The following ATG4B variants were observed in gnomAD, a reference collection of about 807,000 sequenced individuals.
ATG4B encodes the protein cysteine protease ATG4B.
Under a neutral mutation model 56.6 loss-of-function variants are expected in ATG4B, and 29 were observed. The observed-to-expected ratio is 0.51, with a 90% confidence interval of 0.38 to 0.70. ATG4B has a LOEUF of 0.70. ATG4B is among the 30% of genes least tolerant of loss of function. The pLI, the probability that ATG4B is intolerant of heterozygous loss-of-function variation, is 0.00. For missense variants in ATG4B, 461 were observed against 515.5 expected (o/e 0.89, Z 1.02); for synonymous variants, 224 against 206.1 (o/e 1.09, Z -0.74).
At chr2:241,639,327 A>T (rs1022662002) in intron 1 of ATG4B, among the ~76,000 whole-genome samples, 2 of 152,208 alleles carry the variant, frequency 1.3e-5, no homozygotes, top group African/African-American at 2.4e-5. Context: ...CCTGAAGCCC[A>T]AGAGGGGGTG....
At chr2:241,643,680 G>GTGTGTGTA (rs757565788) in intron 1 of ATG4B, among the ~76,000 whole-genome samples, 1 of 128,974 alleles carries the variant, frequency 7.8e-6, no homozygotes, top group African/African-American at 3.3e-5. Context: ...GTGTGTGTGT[G>GTGTGTGTA]TATGTATATA....
intron 3 of ATG4B, chr2:241,652,062 G>A: frequency 3.0e-6 from 3 of 1,005,000 alleles, no homozygotes; most frequent in South Asian, 1.4e-5. Flanking sequence ...TTATCCTGAA[G>A]TGAGGTGGAA....
rs2069007460 is a variant in ATG4B at position 241,672,348 on chromosome 2, C to T, written c.*84C>T. On this transcript the variant is annotated 3_prime_UTR_variant, in exon 13 of 13. Coordinates refer to ENST00000404914, the MANE Select transcript of ATG4B (RefSeq NM_013325.5). ...TTCATCCATCCCGCCCGCTCGCCTGCCGAGGGCTGCGCCCCGTGCTGCCTC... is the reference window on the plus strand; with the variant it reads ...TTCATCCATCCCGCCCGCTCGCCTGTCGAGGGCTGCGCCCCGTGCTGCCTC... 4.7e-6 allele frequency: 6 copies of T among 1,282,464 alleles called. No individual in the cohort carries two copies. The South Asian group carries it at 7.8e-5, about 17-fold the overall frequency. 79.4% of individuals were successfully genotyped at this position (1,282,464 alleles called of 1,614,324 possible). A position where few individuals can be genotyped will look rare whatever the true frequency, so the allele number is the denominator to read the frequency against.
At chr2:241,669,622 C>T (rs36091288) in intron 10 of ATG4B, among the ~76,000 whole-genome samples, 57,799 of 152,118 alleles carry the variant, frequency 0.38, 11,327 homozygotes, top group Middle Eastern at 0.51. Context: ...ATTCTCCTGC[C>T]TCAGCCTCTG....
rs1215376668 is a variant in ATG4B at position 241,651,975 on chromosome 2, G to A, written c.184+640G>A. On this transcript the variant is annotated intron_variant, in intron 3 of 12. Transcript: ENST00000404914. The surrounding 1 kb of genome is among the most constrained non-coding windows in gnomAD (Gnocchi z 4.1). The stretch of plus-strand genomic sequence containing the variant: ...CACCGGCGGAGAACTGAGGCCGGAG[G>A]TGAGGGCCGGGCTGGCGTCATGCTT... 7.7e-7 allele frequency: 1 copy of A among 1,303,866 alleles called. No individual in the cohort carries two copies. The highest frequency in any genetic ancestry group is 1.5e-5 in the African/African-American group (1 of 65,868). 80.8% of individuals were successfully genotyped at this position (1,303,866 alleles called of 1,614,324 possible). A position where few individuals can be genotyped will look rare whatever the true frequency, so the allele number is the denominator to read the frequency against.
intron 1 of ATG4B, among the ~76,000 whole-genome samples, chr2:241,647,183 T>G (rs1000507855): frequency 1.3e-5 from 2 of 152,224 alleles, no homozygotes; most frequent in Non-Finnish European, 2.9e-5. Context: ...AAGAGATACT[T>G]GCCAGTGTTC....
chr2:241,654,680 C>G, intron 5 of ATG4B, 33 bp downstream of exon 5: 1 of 1,544,604 alleles, frequency 6.5e-7, no homozygotes, highest in Non-Finnish European at 8.8e-7. Context: ...AGGCCCCACC[C>G]GGGCTGTCTG....
Position 241,641,458 on chromosome 2 carries a change from G to A in ATG4B, c.10+3734G>A, listed in dbSNP as rs188449453. Among the ~76,000 whole-genome samples the A allele has an allele frequency of 9.8e-3, 1,489 of 152,010 alleles. 19 individuals are homozygous for A. The highest frequency in any genetic ancestry group is 0.034 in the African/African-American group (1,389 of 41,428). On this transcript the variant is annotated intron_variant, in intron 1 of 12. Transcript: ENST00000404914. ...CCAGCTACGCAGGAGGCTGAGGCAG[G>A]AGAATGGCGTGAACCCGGGAGGCGG...
intron 7 of ATG4B, among the ~76,000 whole-genome samples, chr2:241,661,943 A>C (rs908500587): frequency 1.3e-5 from 2 of 152,224 alleles, no homozygotes; most frequent in African/African-American, 4.8e-5. Context: ...AAATGACTCC[A>C]ATGAAAGAAA....
rs1472165546 is a variant in ATG4B, at chr2:241,668,668, G to A, written c.940G>A (p.Asp314Asn). 6.3e-7 allele frequency: 1 copy of A among 1,575,970 alleles called. No individual in the cohort carries two copies. Residue 314 changes from aspartate (D) to asparagine (N), a missense_variant, in exon 10 of 13, where the codon GAC (aspartate) becomes AAC (asparagine). By Grantham distance (23) the Asp-to-Asn change is conservative (BLOSUM62 1). Transcript: ENST00000404914. The surrounding 1 kb of genome is among the most constrained non-coding windows in gnomAD (Gnocchi z 4.2). The part of the protein sequence containing the change: ...PPCRMSIAEL[D>N]PSIAVGFFCK... The stretch of plus-strand genomic sequence containing the variant: ...GTGCCGCATGAGCATCGCGGAGCTT[G>A]ACCCGTCCATCGCTGTGGTACGTGG...
In ATG4B at chr2:241,668,171, G is replaced by T; in HGVS notation, c.761G>T (p.Gly254Val). 1 of 1,606,398 alleles carries T rather than the reference G, an allele frequency of 6.2e-7. No homozygotes were observed. The highest frequency in any genetic ancestry group is 8.5e-7 in the Non-Finnish European group (1 of 1,176,902). Residue 254 changes from glycine (G) to valine (V), a missense_variant, in exon 9 of 13, where the codon GGC becomes GTC. Physicochemically the swap from Gly to Val is moderately radical, Grantham distance 109 (BLOSUM62 -3). Coordinates refer to ENST00000404914, the MANE Select transcript of ATG4B (RefSeq NM_013325.5). This position sits in a 1 kb window ranked among gnomAD's most constrained non-coding sequence, Gnocchi z 4.2. ...TGCTTCATGATGCCCCAGTCCCTGG[G>T]CGTCATCGGAGGGAAGCCCAACAGC... The part of the protein sequence containing the change: ...KHCFMMPQSL[G>V]VIGGKPNSAH...
intron 7 of ATG4B, among the ~76,000 whole-genome samples, chr2:241,661,476 G>T (rs1468722654): frequency 6.6e-6 from 1 of 152,174 alleles, no homozygotes; most frequent in East Asian, 1.9e-4. Context: ...GCTGCTAAGA[G>T]TGCGCAAGGG....
chr2:241,654,456 G>T, intron 4 of ATG4B, 90 bp from the exon 5 acceptor site: 5 of 720,384 alleles, frequency 6.9e-6, no homozygotes, highest in Non-Finnish European at 9.3e-6. Context: ...TCTGAAAAAG[G>T]TTTGGATGCC....
Position 241,666,846 on chromosome 2 carries a change from C to A in ATG4B, c.732+8C>A. On this transcript the variant is annotated splice_region_variant and intron_variant, in intron 8 of 12. Coordinates refer to ENST00000404914, the MANE Select transcript of ATG4B (RefSeq NM_013325.5). ...TACGTGGAGACGCTGAAGGTGGGTC[C>A]TGCCGTGCGGCGCTTGCCCTGAGTC... 1 of 1,553,184 alleles carries A rather than the reference C, an allele frequency of 6.4e-7. No homozygotes were observed.
chr2:241,668,313 G>A lies in ATG4B; in HGVS notation c.811+92G>A, dbSNP rs1178882423. The A allele has an allele frequency of 8.9e-6, 13 of 1,457,884 alleles. No homozygotes were observed. In the East Asian group the frequency reaches 3.2e-4, roughly 36 times the overall value. The allele number at this position is 1,457,884 out of a possible 1,614,324, so 90.3% of individuals were successfully genotyped here. On this transcript the variant is annotated intron_variant, in intron 9 of 12. Transcript: ENST00000404914. This position sits in a 1 kb window ranked among gnomAD's most constrained non-coding sequence, Gnocchi z 4.2. ...ACCACACCCCAGGTGACCACTTGAG[G>A]CCACTGGTGGAAAAGCAGCATGCCC... is the stretch of plus-strand genomic sequence containing the variant.
At position 241,668,572 on chromosome 2, in the gene ATG4B, A is replaced by T. The variant is rs1386106155; in HGVS notation, c.844A>T (p.Thr282Ser). The change falls in exon 10 of 13, where the codon ACG (threonine) becomes TCG (serine). Residue 282 changes from threonine to serine, a missense_variant. Transcript: ENST00000404914. The surrounding 1 kb of genome is among the most constrained non-coding windows in gnomAD (Gnocchi z 4.2). The part of the protein sequence containing the change: ...EELIYLDPHT[T>S]QPAVEPTDGC... ...GCTCATCTACCTGGACCCCCACACC[A>T]CGCAGCCAGCCGTGGAGCCCACTGA... The T allele has an allele frequency of 6.2e-7, 1 of 1,609,054 alleles. No individual in the cohort carries two copies. Among genetic ancestry groups the T allele is most frequent in the Non-Finnish European group, 8.5e-7 (1 of 1,178,912 alleles).
intron 1 of ATG4B, among the ~76,000 whole-genome samples, chr2:241,642,568 C>G (rs1485164545): frequency 2.6e-5 from 1 of 38,690 alleles, no homozygotes; most frequent in East Asian, 3.5e-4. Context: ...TAAATTTACT[C>G]GTTTTTTTTT....
At chr2:241,656,390 A>G (rs2068406198) in intron 6 of ATG4B, among the ~76,000 whole-genome samples, 1 of 151,424 alleles carries the variant, frequency 6.6e-6, no homozygotes, top group Admixed American at 6.6e-5. Context: ...GCACCTGCTC[A>G]GTCCCTACTG....
At chr2:241,657,709 C>T (rs1345111319) in intron 6 of ATG4B, among the ~76,000 whole-genome samples, 2 of 152,222 alleles carry the variant, frequency 1.3e-5, no homozygotes, top group East Asian at 3.9e-4. Flanking sequence ...TCCTTTCACT[C>T]CCTGTGCTGG....
Sources: allele counts gnomAD v4.1 joint callset (sites outside exome capture counted in the v4.1 genomes callset), GRCh38; gene constraint gnomAD v4.1.1; non-coding constraint Gnocchi (gnomAD v3.1); transcripts MANE v1.5; gene names NCBI Gene and HGNC (gene_info 2026-07-23, HGNC 2026-07-21).